The following PDS5B variants were observed in gnomAD, a reference collection of about 807,000 sequenced individuals.
PDS5B encodes the protein sister chromatid cohesion protein PDS5 homolog B.
Under a neutral mutation model 184.1 loss-of-function variants are expected in PDS5B, and 51 were observed. The ratio of observed to expected loss-of-function variants is 0.28; its 90% CI spans 0.22 to 0.35. PDS5B has a LOEUF of 0.35. Among genes scored for constraint, PDS5B ranks in the 10% least tolerant of loss-of-function variants. The probability of loss-of-function intolerance (pLI) is 1.00; values close to 1 mark genes in which losing one functional copy is unlikely to be tolerated. For synonymous variants in PDS5B, 566 were observed against 569.2 expected (o/e 0.99, Z 0.08); for missense variants, 1,180 against 1,723.3 (o/e 0.68, Z 5.58).
chr13:32,688,537 C>A lies in PDS5B; in HGVS notation c.1437C>A (p.Tyr479Ter). ...ETTERMKCLY[Y>*]LYATLDLNAV... The stretch of plus-strand genomic sequence containing the variant: ...CAGAACGGATGAAATGCTTATATTA[C>A]TTGTATGCCACACTGGATTTAAATG... Residue 479 changes from tyrosine (Y) to a stop codon, truncating the protein, a stop_gained, in exon 13 of 35, where the codon TAC (tyrosine) becomes TAA (stop). Transcript: ENST00000315596. LOFTEE classifies it high-confidence loss of function. 1.9e-6 allele frequency: 3 copies of A among 1,597,502 alleles called. No individual in the cohort carries two copies. Among genetic ancestry groups the A allele is most frequent in the Non-Finnish European group, 2.6e-6 (3 of 1,165,138 alleles).
intron 1 of PDS5B, among the ~76,000 whole-genome samples, chr13:32,630,875 C>T (rs564136107): frequency 3.5e-4 from 53 of 151,738 alleles, no homozygotes; most frequent in South Asian, 8.3e-4. Flanking sequence ...ACCTCCGCCT[C>T]CTGGATTCAA....
chr13:32,765,973 T>C (rs546856447), intron 31 of PDS5B, among the ~76,000 whole-genome samples: 2 of 152,376 alleles, frequency 1.3e-5, no homozygotes, highest in East Asian at 3.9e-4. Flanking sequence ...TATTGGCTGT[T>C]TAAAATTTTC....
chr13:32,767,472 G>T (rs1593650103), intron 31 of PDS5B, among the ~76,000 whole-genome samples: 1 of 152,088 alleles, frequency 6.6e-6, no homozygotes, highest in African/African-American at 2.4e-5. Flanking sequence ...CCCTACCTAT[G>T]TATATATTTA....
intron 1 of PDS5B, among the ~76,000 whole-genome samples, chr13:32,605,421 A>T (rs576053104): frequency 6.6e-6 from 1 of 152,208 alleles, no homozygotes; most frequent in Non-Finnish European, 1.5e-5. Context: ...GCTTGATTGC[A>T]CTGTGCTCTG....
chr13:32,657,649 TATACAAATGTAG>T (rs1950549788), intron 3 of PDS5B, among the ~76,000 whole-genome samples: 1 of 152,198 alleles, frequency 6.6e-6, no homozygotes, highest in Non-Finnish European at 1.5e-5. Context: ...GTGGTTGCTT[TATACAAATGTAG>T]ATACAAATGC....
intron 24 of PDS5B, among the ~76,000 whole-genome samples, chr13:32,752,735 C>T (rs868358885): frequency 1.3e-5 from 2 of 152,092 alleles, no homozygotes; most frequent in African/African-American, 4.8e-5. Context: ...TAAGCAGGCA[C>T]ACGGGTAATA....
chr13:32,651,785 A>G lies in PDS5B; in HGVS notation c.109-19A>G. 3 of 1,492,390 alleles carry G rather than the reference A, an allele frequency of 2.0e-6. No individual in the cohort carries two copies. Among genetic ancestry groups the G allele is most frequent in the Non-Finnish European group, 2.8e-6 (3 of 1,076,506 alleles). The allele number at this position is 1,492,390 out of a possible 1,614,324, so 92.4% of individuals were successfully genotyped here. ...TTTACATGGAGCATTTCATTATTTGATTTTTTATTTTTGTATAGATGGTTG... is the reference window on the plus strand; with the variant it reads ...TTTACATGGAGCATTTCATTATTTGGTTTTTTATTTTTGTATAGATGGTTG... On this transcript the variant is annotated intron_variant, in intron 2 of 34. Transcript: ENST00000315596.
chr13:32,764,278 T>C (rs1281219003), intron 30 of PDS5B, among the ~76,000 whole-genome samples: 1 of 152,134 alleles, frequency 6.6e-6, no homozygotes, highest in Non-Finnish European at 1.5e-5. Context: ...AATATTAGAT[T>C]TAAATTTTTG....
rs1199779538 is a variant in PDS5B, at chr13:32,731,668, T to A, written c.2124-433T>A. Among the ~76,000 whole-genome samples the A allele has an allele frequency of 2.0e-5, 3 of 152,202 alleles. No individual in the cohort carries two copies. In the East Asian group the frequency reaches 5.8e-4, roughly 29 times the overall value. On this transcript the variant is annotated intron_variant, in intron 19 of 34. Transcript: ENST00000315596. ...CTTAATAAGCATTGTTTAATCAGAT[T>A]TTCCTTTTTGTGGTTTGCTCTGGCA...
intron 19 of PDS5B, among the ~76,000 whole-genome samples, chr13:32,725,246 C>G (rs192281941): frequency 8.3e-4 from 126 of 152,218 alleles, no homozygotes; most frequent in Non-Finnish European, 1.5e-3. Flanking sequence ...CCAAAGGTGA[C>G]CAGTTGAGTG....
chr13:32,687,386 C>T (rs1029475091), intron 12 of PDS5B, 101 bp downstream of exon 12: 2 of 883,692 alleles, frequency 2.3e-6, no homozygotes, highest in African/African-American at 3.5e-5. Flanking sequence ...ACACTCCTTC[C>T]TCAGTTTTTA....
intron 1 of PDS5B, among the ~76,000 whole-genome samples, chr13:32,638,892 A>G (rs951249497): frequency 9.2e-5 from 14 of 152,010 alleles, no homozygotes; most frequent in Non-Finnish European, 1.5e-5. Flanking sequence ...ATTGGGTAAT[A>G]AGAGGCTGAG....
intron 1 of PDS5B, among the ~76,000 whole-genome samples, chr13:32,627,610 TGAA>T (rs1317472918): frequency 1.3e-5 from 2 of 151,866 alleles, no homozygotes; most frequent in Non-Finnish European, 2.9e-5. Flanking sequence ...CCTGGGAAAA[TGAA>T]GGAAAAAAGA....
In PDS5B at chr13:32,735,161, C is replaced by G; in HGVS notation, c.2248-11C>G. On this transcript the variant is annotated splice_polypyrimidine_tract_variant and intron_variant, in intron 20 of 34. Coordinates refer to ENST00000315596, the MANE Select transcript of PDS5B (RefSeq NM_015032.4). ...TAGAGTTGAAATATATTTTCCTCCC[C>G]TCATTTTCAGCCTCTGCATAAGAGC... is the stretch of plus-strand genomic sequence containing the variant. The G allele has an allele frequency of 6.6e-7, 1 of 1,520,022 alleles. No individual in the cohort carries two copies. The highest frequency in any genetic ancestry group is 1.4e-5 in the African/African-American group (1 of 71,744). 94.2% of individuals were successfully genotyped at this position (1,520,022 alleles called of 1,614,324 possible).
chr13:32,746,366 C>A (rs1953743109), intron 24 of PDS5B, among the ~76,000 whole-genome samples: 1 of 152,170 alleles, frequency 6.6e-6, no homozygotes, highest in Non-Finnish European at 1.5e-5. Flanking sequence ...TGAACAGTTG[C>A]TCTTAGGAGA....
At position 32,712,433 on chromosome 13, in the gene PDS5B, T is replaced by G. The variant is rs76016358; in HGVS notation, c.2123+2327T>G. Among the ~76,000 whole-genome samples, 193 of 152,370 alleles carry G rather than the reference T, an allele frequency of 1.3e-3. 5 individuals carry two copies. In the East Asian group the frequency reaches 0.032, roughly 25 times the overall value. On this transcript the variant is annotated intron_variant, in intron 19 of 34. Coordinates refer to ENST00000315596, the MANE Select transcript of PDS5B (RefSeq NM_015032.4). ...CCAGGAGATAAACTATGTATGTAGA[T>G]TTAATTTTTTAAATTATTAAATTGG...
Position 32,777,153 on chromosome 13 carries a change from GTGAT to G in PDS5B, c.*2104_*2107del, listed in dbSNP as rs1954980464. On this transcript the variant is annotated 3_prime_UTR_variant, in exon 35 of 35. Coordinates refer to ENST00000315596, the MANE Select transcript of PDS5B (RefSeq NM_015032.4). ...AACATTTTATAAAACATACGAAAAA[GTGAT>G]TGTGAAGGATTTTTATTTGCATGAT... is the stretch of plus-strand genomic sequence containing the variant. 6.6e-6 allele frequency: 1 copy of G among 151,904 alleles called. No individual in the cohort carries two copies. The highest frequency in any genetic ancestry group is 1.5e-5 in the Non-Finnish European group (1 of 67,848). The allele number at this position is 151,904 out of a possible 1,614,324, so 9.4% of individuals were successfully genotyped here.
chr13:32,691,252 A>T (rs1010168455), intron 13 of PDS5B: 6 of 152,024 alleles, frequency 3.9e-5, no homozygotes, highest in African/African-American at 1.4e-4. Context: ...TTTATGAAAG[A>T]AACAATTGTG....
chr13:32,721,137 G>C (rs558386595), intron 19 of PDS5B, among the ~76,000 whole-genome samples: 2 of 152,212 alleles, frequency 1.3e-5, no homozygotes, highest in Non-Finnish European at 2.9e-5. Flanking sequence ...ATCATGGCCC[G>C]TTCTCAATGA....
Sources: allele counts gnomAD v4.1 joint callset (sites outside exome capture counted in the v4.1 genomes callset), GRCh38; gene constraint gnomAD v4.1.1; transcripts MANE v1.5; gene names NCBI Gene and HGNC (gene_info 2026-07-23, HGNC 2026-07-21).